TENM2: variants seen among roughly 807,000 people sequenced by gnomAD.
The protein encoded by TENM2 is teneurin transmembrane protein 2, also known as teneurin-2.
Under a neutral mutation model 245.2 loss-of-function variants are expected in TENM2, and 52 were observed. The ratio of observed to expected loss-of-function variants is 0.21; its 90% confidence interval spans 0.17 to 0.27. TENM2 has a LOEUF of 0.27. Ranked by LOEUF, TENM2 falls within the 10% of genes least tolerant of loss-of-function variation. The pLI, the probability that TENM2 is intolerant of heterozygous loss-of-function variation, is 1.00. For synonymous variants in TENM2, 1,363 were observed against 1,438.9 expected, an observed-to-expected ratio of 0.95 and a Z score of 1.19; for missense variants, 3,046 against 3,666.8, an observed-to-expected ratio of 0.83 and a Z score of 4.37.
the TENM2 span, among the ~76,000 whole-genome samples, chr5:166,984,475 CTA>C: frequency 2.0e-5 from 3 of 150,128 alleles, no homozygotes; most frequent in Admixed American, 6.8e-5. Flanking sequence ...GAATAAGTGT[CTA>C]TGTGGAAAAA....
At chr5:167,855,226 A>T (rs1447104171) in intron 2 of TENM2, among the ~76,000 whole-genome samples, 1 of 152,020 alleles carries the variant, frequency 6.6e-6, no homozygotes, top group Non-Finnish European at 1.5e-5. Flanking sequence ...TCCCCTAGAC[A>T]TCAGCATGGC....
the TENM2 span, among the ~76,000 whole-genome samples, chr5:166,980,631 G>A: frequency 1.3e-5 from 2 of 152,090 alleles, no homozygotes; most frequent in African/African-American, 4.8e-5. Context: ...AAGGGCCAGT[G>A]AGTAAAGGCA....
intron 2 of TENM2, among the ~76,000 whole-genome samples, chr5:167,845,239 C>CCACACACACA (rs55784312): frequency 3.1e-5 from 3 of 96,928 alleles, no homozygotes; most frequent in African/African-American, 1.2e-4. Flanking sequence ...CCCTCCCGCG[C>CCACACACACA]CACACACACA....
At chr5:167,238,521 A>G in the TENM2 span, among the ~76,000 whole-genome samples, 1 of 152,286 alleles carries the variant, frequency 6.6e-6, no homozygotes, top group South Asian at 2.1e-4. Context: ...TGTGAATGAC[A>G]AGATTAGGTA....
intron 13 of TENM2, among the ~76,000 whole-genome samples, chr5:168,175,454 C>T (rs749224370): frequency 6.6e-6 from 1 of 152,154 alleles, no homozygotes; most frequent in Non-Finnish European, 1.5e-5. Flanking sequence ...AACCGGTGAC[C>T]CCCAAGCTGG....
intron 5 of TENM2, among the ~76,000 whole-genome samples, chr5:168,042,135 T>A (rs1434612519): frequency 2.0e-5 from 3 of 152,116 alleles, no homozygotes; most frequent in Non-Finnish European, 4.4e-5. Flanking sequence ...CTGAATGAGC[T>A]CTGCCATCAT....
intron 23 of TENM2, among the ~76,000 whole-genome samples, chr5:168,225,769 A>G (rs1212691782): frequency 6.6e-6 from 1 of 151,884 alleles, no homozygotes; most frequent in African/African-American, 2.4e-5. Flanking sequence ...CTCAAAAAAA[A>G]AAAAAAAAAA....
chr5:167,310,037 G>C (rs1302796808), intron 1 of TENM2, among the ~76,000 whole-genome samples: 1 of 151,892 alleles, frequency 6.6e-6, no homozygotes, highest in East Asian at 1.9e-4. Flanking sequence ...TTAGCTGGAA[G>C]TGTCTTCGGG....
intron 2 of TENM2, among the ~76,000 whole-genome samples, chr5:167,471,811 A>G (rs1003274072): frequency 1.3e-5 from 2 of 152,228 alleles, no homozygotes; most frequent in African/African-American, 4.8e-5. Context: ...GAGAGGGGAA[A>G]AATGTAATCT....
intron 2 of TENM2, among the ~76,000 whole-genome samples, chr5:167,423,360 T>G (rs1763624553): frequency 2.0e-5 from 3 of 152,300 alleles, no homozygotes; most frequent in Admixed American, 2.0e-4. Context: ...TAAAGCCACC[T>G]TTTGGACTTA....
chr5:167,222,874 A>G, the TENM2 span, among the ~76,000 whole-genome samples: 3 of 152,176 alleles, frequency 2.0e-5, no homozygotes, highest in Non-Finnish European at 2.9e-5. Flanking sequence ...AGATATATGA[A>G]CACACACATA....
intron 2 of TENM2, among the ~76,000 whole-genome samples, chr5:167,478,414 TGGAAATGTA>T (rs1458678443): frequency 1.3e-5 from 2 of 152,206 alleles, no homozygotes; most frequent in African/African-American, 4.8e-5. Context: ...TTAATGATGC[TGGAAATGTA>T]GGAAACGGCA....
chr5:167,158,151 T>G, the TENM2 span, among the ~76,000 whole-genome samples: 1 of 152,236 alleles, frequency 6.6e-6, no homozygotes. Context: ...TTAATCATTT[T>G]ATTTTAAAAT....
At position 167,452,931 on chromosome 5, in the gene TENM2, T is replaced by TTTTATATATATATA. The variant is rs1264260420; in HGVS notation, c.502+77459_502+77460insTTATATATATATAT. 1.6e-3 allele frequency among the ~76,000 whole-genome samples: 8 copies of TTTTATATATATATA among 4,868 alleles called. 1 individual carries two copies. Among genetic ancestry groups the TTTTATATATATATA allele is most frequent in the African/African-American group, 2.5e-3 (7 of 2,766 alleles). 3.2% of individuals were successfully genotyped at this position (4,868 alleles called of 152,430 possible). The stretch of plus-strand genomic sequence containing the variant: ...TGTACCCTAGAACTTAAAGTATGAT[T>TTTTATATATATATA]TATATATATATATATATATATATAT... On this transcript the variant is annotated intron_variant, in intron 2 of 28. Transcript: ENST00000518659.
At chr5:168,107,116 C>G (rs1794306936) in intron 9 of TENM2, among the ~76,000 whole-genome samples, 1 of 152,176 alleles carries the variant, frequency 6.6e-6, no homozygotes, top group Non-Finnish European at 1.5e-5. Flanking sequence ...GTTACCCTCT[C>G]TCTTCCCAGC....
chr5:167,407,320 T>C (rs1384548951), intron 2 of TENM2, among the ~76,000 whole-genome samples: 3 of 152,158 alleles, frequency 2.0e-5, no homozygotes, highest in Admixed American at 6.6e-5. Flanking sequence ...CTGCAAGTGA[T>C]GGCATCTTTA....
intron 13 of TENM2, chr5:168,185,143 A>G (rs1760273204): frequency 6.6e-6 from 1 of 152,186 alleles, no homozygotes; most frequent in African/African-American, 2.4e-5. Context: ...ACCCCTGTTG[A>G]TGGGTGTCCA....
chr5:167,511,304 A>G (rs1394971306), intron 2 of TENM2, among the ~76,000 whole-genome samples: 1 of 152,148 alleles, frequency 6.6e-6, no homozygotes, highest in Non-Finnish European at 1.5e-5. Flanking sequence ...AGGGTAAGAA[A>G]AAATTTCACT....
chr5:168,160,316 G>A (rs994462158), intron 12 of TENM2, among the ~76,000 whole-genome samples: 2 of 152,202 alleles, frequency 1.3e-5, no homozygotes, highest in Admixed American at 1.3e-4. Context: ...CCGTCTCACG[G>A]TATGAAGTGA....
Sources: gnomAD v4.1 joint callset for allele counts (sites outside exome capture counted in the v4.1 genomes callset) on GRCh38, gnomAD v4.1.1 for gene constraint, MANE v1.5 for transcripts, NCBI Gene and HGNC (gene_info 2026-07-23, HGNC 2026-07-21) for gene names.